The following PAM variants were observed in gnomAD, a reference collection of about 807,000 sequenced individuals.
PAM encodes the protein peptidylglycine alpha-amidating monooxygenase, also known as peptidyl-glycine alpha-amidating monooxygenase.
PAM carries 72 observed loss-of-function variants against 122.1 expected under a neutral mutation model. The ratio of observed to expected loss-of-function variants is 0.59; its 90% CI spans 0.49 to 0.72. PAM has a LOEUF of 0.72. PAM is among the 30% of genes least tolerant of loss of function. PAM has a pLI of 0.00. For synonymous variants in PAM, 389 were observed against 404.4 expected (o/e 0.96, Z 0.46); for missense variants, 1,106 against 1,183.7 (o/e 0.93, Z 0.96).
intron 16 of PAM, among the ~76,000 whole-genome samples, chr5:103,002,288 A>G (rs1777631294): frequency 1.3e-5 from 2 of 152,120 alleles, no homozygotes; most frequent in African/African-American, 2.4e-5. Flanking sequence ...TTGAAAGTAT[A>G]TATATATGAA....
chr5:102,897,303 A>G (rs546735703), intron 3 of PAM, among the ~76,000 whole-genome samples: 3 of 151,756 alleles, frequency 2.0e-5, no homozygotes, highest in South Asian at 4.1e-4. Flanking sequence ...TATAGAGACT[A>G]TTACCAACTT....
At chr5:102,823,769 T>G (rs1772771000) in intron 1 of PAM, among the ~76,000 whole-genome samples, 1 of 152,188 alleles carries the variant, frequency 6.6e-6, no homozygotes, top group South Asian at 2.1e-4. Flanking sequence ...TGTAAACACT[T>G]GTAATCTATG....
At chr5:102,794,054 A>G (rs887916102) in intron 1 of PAM, among the ~76,000 whole-genome samples, 36 of 152,196 alleles carry the variant, frequency 2.4e-4, no homozygotes, top group Non-Finnish European at 4.4e-5. Flanking sequence ...AATTTATATT[A>G]TACTTGAAGT....
chr5:102,888,944 G>A (rs866330031), intron 3 of PAM, among the ~76,000 whole-genome samples: 1 of 151,920 alleles, frequency 6.6e-6, no homozygotes, highest in Non-Finnish European at 1.5e-5. Flanking sequence ...TTAACTAAAT[G>A]TAAAAGGGGG....
chr5:102,999,675 ACTTCTGTGCACC>A (rs1294100244), intron 16 of PAM, among the ~76,000 whole-genome samples: 4 of 152,184 alleles, frequency 2.6e-5, no homozygotes, highest in Non-Finnish European at 5.9e-5. Context: ...TCAGTTCTTG[ACTTCTGTGCACC>A]CACAGGCTCA....
intron 20 of PAM, among the ~76,000 whole-genome samples, chr5:103,008,150 TAG>T (rs1779587618): frequency 6.6e-6 from 1 of 152,058 alleles, no homozygotes. Flanking sequence ...ATTTTCAAAA[TAG>T]ATTTTCTTGA....
At chr5:103,020,685 T>C (rs1379412245) in intron 23 of PAM, among the ~76,000 whole-genome samples, 2 of 152,166 alleles carry the variant, frequency 1.3e-5, no homozygotes, top group South Asian at 4.1e-4. Flanking sequence ...CCATTATTAG[T>C]TGCTTTACAA....
At chr5:102,881,869 T>C (rs1791229811) in intron 3 of PAM, among the ~76,000 whole-genome samples, 1 of 150,402 alleles carries the variant, frequency 6.6e-6, no homozygotes, top group African/African-American at 2.5e-5. Flanking sequence ...CAAAGTCCAT[T>C]GTATCATTCT....
intron 15 of PAM, among the ~76,000 whole-genome samples, chr5:102,975,830 T>C (rs1040034885): frequency 1.1e-4 from 17 of 152,218 alleles, no homozygotes; most frequent in Admixed American, 1.0e-3. Context: ...AGTTGCAGCA[T>C]GCTTTATTTA....
intron 4 of PAM, among the ~76,000 whole-genome samples, chr5:102,911,716 T>C (rs1217727929): frequency 6.6e-6 from 1 of 152,040 alleles, no homozygotes; most frequent in African/African-American, 2.4e-5. Flanking sequence ...TCCTTGCCCT[T>C]ACCTGAATCT....
intron 1 of PAM, among the ~76,000 whole-genome samples, chr5:102,848,007 G>A (rs928779293): frequency 6.6e-6 from 1 of 152,106 alleles, no homozygotes; most frequent in African/African-American, 2.4e-5. Context: ...TGATCTTCCT[G>A]AAAAACCTGT....
At chr5:102,836,610 A>G (rs1411604225) in intron 1 of PAM, among the ~76,000 whole-genome samples, 2 of 152,126 alleles carry the variant, frequency 1.3e-5, no homozygotes, top group East Asian at 3.8e-4. Context: ...CATCTGAGAC[A>G]GGAGTTTATG....
At chr5:102,851,985 A>G (rs1049835164) in intron 1 of PAM, among the ~76,000 whole-genome samples, 11 of 152,206 alleles carry the variant, frequency 7.2e-5, no homozygotes, top group African/African-American at 2.7e-4. Context: ...TGCAAATTCT[A>G]CTATGCCAAA....
intron 19 of PAM, among the ~76,000 whole-genome samples, 155 bp downstream of exon 19, chr5:103,007,166 CACACACACACACACACACA>C (rs1779224358): frequency 3.6e-5 from 3 of 84,442 alleles, no homozygotes; most frequent in Admixed American, 1.2e-4. Flanking sequence ...GCTTGTCTCT[CACACACACACACACACACA>C]TATACATACA....
chr5:102,849,135 A>C (rs111261966), intron 1 of PAM, among the ~76,000 whole-genome samples: 2 of 152,286 alleles, frequency 1.3e-5, no homozygotes, highest in African/African-American at 4.8e-5. Flanking sequence ...ATATCCTTAA[A>C]ATTCTTGGGG....
chr5:102,883,922 A>G (rs1017550800), intron 3 of PAM, among the ~76,000 whole-genome samples: 1 of 151,868 alleles, frequency 6.6e-6, no homozygotes, highest in African/African-American at 2.4e-5. Context: ...TTAAATATAA[A>G]GGGATGTTGG....
At chr5:102,989,952 AAG>A (rs1773534038) in intron 15 of PAM, 1 of 177,466 alleles carries the variant, frequency 5.6e-6, no homozygotes, top group East Asian at 1.4e-4. Context: ...GTATTTTCCA[AAG>A]AGAGTAAAGT....
Position 102,871,725 on chromosome 5 carries a change from A to G in PAM, c.210+4332A>G, listed in dbSNP as rs1465572439. 2.7e-5 allele frequency among the ~76,000 whole-genome samples: 4 copies of G among 146,722 alleles called. No individual in the cohort carries two copies. In the East Asian group the frequency reaches 7.8e-4, roughly 29 times the overall value. On this transcript the variant is annotated intron_variant, in intron 3 of 25. Transcript: ENST00000438793. ...AAAATATATATATTATATATAATAC[A>G]TTTATATATATTATATATATATATG... is the stretch of plus-strand genomic sequence containing the variant.
intron 15 of PAM, among the ~76,000 whole-genome samples, chr5:102,985,105 G>A (rs868765651): frequency 5.3e-5 from 8 of 152,032 alleles, no homozygotes; most frequent in African/African-American, 1.9e-4. Flanking sequence ...GGAGTTTGTA[G>A]CAGTAAATAC....
Sources: gnomAD v4.1 joint callset for allele counts (sites outside exome capture counted in the v4.1 genomes callset) on GRCh38, gnomAD v4.1.1 for gene constraint, MANE v1.5 for transcripts, NCBI Gene and HGNC (gene_info 2026-07-23, HGNC 2026-07-21) for gene names.